Variants in KCNQ1 observed in about 807,000 individuals in gnomAD.
The protein encoded by KCNQ1 is potassium voltage-gated channel subfamily Q member 1.
Under a neutral mutation model 72.4 loss-of-function variants are expected in KCNQ1, and 49 were observed. That is an observed-to-expected ratio of 0.68 (90% CI 0.54 to 0.86). The LOEUF (loss-of-function observed/expected upper bound fraction) is 0.86. Among genes scored for constraint, KCNQ1 ranks in the 40% least tolerant of loss-of-function variants. KCNQ1 has a pLI of 0.00. For missense variants in KCNQ1, 790 were observed against 945.1 expected, an observed-to-expected ratio of 0.84 and a Z score of 2.15; for synonymous variants, 450 against 412.6, an observed-to-expected ratio of 1.09 and a Z score of -1.10.
intron 15 of KCNQ1, among the ~76,000 whole-genome samples, chr11:2,779,285 G>T (rs944055221): frequency 1.3e-5 from 2 of 152,216 alleles, no homozygotes; most frequent in Non-Finnish European, 2.9e-5. Context: ...CGGGGAACAC[G>T]GTGTTTCCCT....
At position 2,494,956 on chromosome 11, in the gene KCNQ1, A is replaced by G. The variant is rs1846886293; in HGVS notation, c.387-32972A>G. On this transcript the variant is annotated intron_variant, in intron 1 of 15. Coordinates refer to ENST00000155840, the MANE Select transcript of KCNQ1 (RefSeq NM_000218.3). The surrounding 1 kb of genome is among the most constrained non-coding windows in gnomAD (Gnocchi z 4.6). ...TGCCTCTGGTAGAATTTGGGTGTGAATCCGTCTGGTCCTGGGCTTTTTTTG... is the reference window on the plus strand; with the variant it reads ...TGCCTCTGGTAGAATTTGGGTGTGAGTCCGTCTGGTCCTGGGCTTTTTTTG... Among the ~76,000 whole-genome samples the G allele has an allele frequency of 6.6e-6, 1 of 152,118 alleles. No homozygotes were observed. Among genetic ancestry groups the G allele is most frequent in the Non-Finnish European group, 1.5e-5 (1 of 68,022 alleles).
intron 11 of KCNQ1, chr11:2,689,858 C>A: frequency 2.5e-6 from 1 of 398,840 alleles, no homozygotes; most frequent in East Asian, 3.6e-5. Flanking sequence ...CCACTTAGCA[C>A]CCACCCCTGC....
At chr11:2,844,543 G>C (rs766564062) in intron 15 of KCNQ1, among the ~76,000 whole-genome samples, 58 of 152,332 alleles carry the variant, frequency 3.8e-4, no homozygotes, top group Non-Finnish European at 7.4e-4. Context: ...CGGCCCTGTG[G>C]CTGCCTCCCG....
chr11:2,675,009 C>T lies in KCNQ1; in HGVS notation c.1514+12928C>T, dbSNP rs1021221247. The T allele has an allele frequency of 6.3e-5, 25 of 398,466 alleles. 1 individual carries two copies. Among genetic ancestry groups the T allele is most frequent in the Admixed American group, 2.6e-4 (6 of 22,708 alleles). The allele number at this position is 398,466 out of a possible 1,614,324, so 24.7% of individuals were successfully genotyped here. ...GGCGGGCACTCAGCCGGCTTCTTCC[C>T]GCCTGACTTCTCTGCCAGAGCCCAG... On this transcript the variant is annotated intron_variant, in intron 11 of 15. Coordinates refer to ENST00000155840, the MANE Select transcript of KCNQ1 (RefSeq NM_000218.3).
At position 2,603,659 on chromosome 11, in the gene KCNQ1, T is replaced by C. The variant is rs1022913898; in HGVS notation, c.1393+14805T>C. 1.8e-4 allele frequency among the ~76,000 whole-genome samples: 27 copies of C among 152,178 alleles called. No individual in the cohort carries two copies. The highest frequency in any genetic ancestry group is 5.1e-4 in the African/African-American group (21 of 41,452). On this transcript the variant is annotated intron_variant, in intron 10 of 15. Transcript: ENST00000155840. This position sits in a 1 kb window ranked among gnomAD's most constrained non-coding sequence, Gnocchi z 4.1. ...TCCTTTGTGACTGGTTACTTTCACT[T>C]AGCATCATGTTTTCAAGGTTTGTGC...
intron 8 of KCNQ1, among the ~76,000 whole-genome samples, chr11:2,585,900 G>A (rs189353843): frequency 6.6e-6 from 1 of 152,346 alleles, no homozygotes; most frequent in Non-Finnish European, 1.5e-5. Flanking sequence ...CAAGCTCTGG[G>A]ATGCTGGGCT....
Position 2,457,340 on chromosome 11 carries a change from T to C in KCNQ1, c.386+11856T>C, listed in dbSNP as rs967531382. Among the ~76,000 whole-genome samples the C allele has an allele frequency of 6.6e-6, 1 of 152,206 alleles. No homozygotes were observed. The highest frequency in any genetic ancestry group is 1.5e-5 in the Non-Finnish European group (1 of 68,042). ...AATTAGTCGTTCTACCAAAAAGACA[T>C]ATGCACCTAAACATTCATGGCAGAA... On this transcript the variant is annotated intron_variant, in intron 1 of 15. Coordinates refer to ENST00000155840, the MANE Select transcript of KCNQ1 (RefSeq NM_000218.3). The surrounding 1 kb of genome is among the most constrained non-coding windows in gnomAD (Gnocchi z 5.0).
In KCNQ1 at chr11:2,479,738, T is replaced by C. The variant is rs893436779; in HGVS notation, c.386+34254T>C. 2.0e-5 allele frequency among the ~76,000 whole-genome samples: 3 copies of C among 152,268 alleles called. No individual in the cohort carries two copies. The highest frequency in any genetic ancestry group is 7.2e-5 in the African/African-American group (3 of 41,482). On this transcript the variant is annotated intron_variant, in intron 1 of 15. Transcript: ENST00000155840. This position sits in a 1 kb window ranked among gnomAD's most constrained non-coding sequence, Gnocchi z 4.6. ...TTAACATTTGGCTTCTTGTTACTTA[T>C]GCAAATTTCTGCAGGCTGCTTGACT... is the stretch of plus-strand genomic sequence containing the variant.
rs1455897801 is a variant in KCNQ1 at position 2,651,355 on chromosome 11, A to G, written c.1394-10606A>G. The G allele has an allele frequency of 1.0e-5, 4 of 398,572 alleles. No individual in the cohort carries two copies. Among genetic ancestry groups the G allele is most frequent in the Admixed American group, 8.8e-5 (2 of 22,716 alleles). The allele number at this position is 398,572 out of a possible 1,614,324, so 24.7% of individuals were successfully genotyped here. A position where few individuals can be genotyped will look rare whatever the true frequency, so the allele number is the denominator to read the frequency against. On this transcript the variant is annotated intron_variant, in intron 10 of 15. Transcript: ENST00000155840. The surrounding 1 kb of genome is among the most constrained non-coding windows in gnomAD (Gnocchi z 6.1). ...TACAAGCGGCTGAGAGAGCTGGGGTATTTATCTTTCACTAGTGAGTGCTGC... is the reference window on the plus strand; with the variant it reads ...TACAAGCGGCTGAGAGAGCTGGGGTGTTTATCTTTCACTAGTGAGTGCTGC...
rs549977591 is a variant in KCNQ1 at position 2,592,125 on chromosome 11, C to T, written c.1393+3271C>T. On this transcript the variant is annotated intron_variant, in intron 10 of 15. Transcript: ENST00000155840. This position sits in a 1 kb window ranked among gnomAD's most constrained non-coding sequence, Gnocchi z 5.2. ...TAGGCAGAAGTCCCCTTGACCCTGC[C>T]TCAGGGCTGCTACCTGTCTGCGCCA... Among the ~76,000 whole-genome samples, 2 of 152,372 alleles carry T rather than the reference C, an allele frequency of 1.3e-5. No homozygotes were observed. Among genetic ancestry groups the T allele is most frequent in the Admixed American group, 1.3e-4 (2 of 15,310 alleles).
chr11:2,798,051 C>T (rs1322066867), intron 15 of KCNQ1, among the ~76,000 whole-genome samples: 1 of 152,188 alleles, frequency 6.6e-6, no homozygotes, highest in African/African-American at 2.4e-5. Context: ...CCACAGCGGC[C>T]TTGGGACAAT....
chr11:2,511,819 G>A (rs1257247969), intron 1 of KCNQ1, among the ~76,000 whole-genome samples: 2 of 152,186 alleles, frequency 1.3e-5, no homozygotes, highest in Admixed American at 1.3e-4. Context: ...CCCAGGGGAG[G>A]GGGTGCTTGG....
At chr11:2,574,946 G>A (rs1848399300) in intron 6 of KCNQ1, among the ~76,000 whole-genome samples, 1 of 152,168 alleles carries the variant, frequency 6.6e-6, no homozygotes, top group African/African-American at 2.4e-5. Flanking sequence ...CCTGCAGTGA[G>A]TGTGGATGGG....
intron 1 of KCNQ1, among the ~76,000 whole-genome samples, chr11:2,489,646 C>G (rs2079043): frequency 0.78 from 118,431 of 152,092 alleles, 46,082 homozygotes; most frequent in Middle Eastern, 0.79. Context: ...GGAGATGGAG[C>G]AGTAAAGAGA....
At chr11:2,545,881 A>G (rs906093000) in intron 2 of KCNQ1, among the ~76,000 whole-genome samples, 13 of 152,180 alleles carry the variant, frequency 8.5e-5, no homozygotes, top group Non-Finnish European at 1.8e-4. Flanking sequence ...CTCATTCCTG[A>G]TACTAGTAAT....
chr11:2,664,797 A>C lies in KCNQ1; in HGVS notation c.1514+2716A>C. ...GTGGGTGGGAGGCAGTTACCAAAAA[A>C]CATTTCCATTTTTCTTCAGCATTCT... On this transcript the variant is annotated intron_variant, in intron 11 of 15. Coordinates refer to ENST00000155840, the MANE Select transcript of KCNQ1 (RefSeq NM_000218.3). The surrounding 1 kb of genome is among the most constrained non-coding windows in gnomAD (Gnocchi z 5.1). 2.5e-6 allele frequency: 1 copy of C among 398,680 alleles called. No individual in the cohort carries two copies. The highest frequency in any genetic ancestry group is 4.4e-6 in the Non-Finnish European group (1 of 226,128). The allele number at this position is 398,680 out of a possible 1,614,324, so 24.7% of individuals were successfully genotyped here.
chr11:2,496,030 G>T (rs1253522087), intron 1 of KCNQ1, among the ~76,000 whole-genome samples: 1 of 152,138 alleles, frequency 6.6e-6, no homozygotes, highest in African/African-American at 2.4e-5. Flanking sequence ...CCTGTATTGG[G>T]TGCATTTATT....
rs1206605498 is a variant in KCNQ1 at position 2,703,497 on chromosome 11, GCA to G, written c.1514+41422_1514+41423del. 6.6e-6 allele frequency among the ~76,000 whole-genome samples: 1 copy of G among 152,166 alleles called. No homozygotes were observed. Among genetic ancestry groups the G allele is most frequent in the Non-Finnish European group, 1.5e-5 (1 of 68,038 alleles). Reference sequence around the variant, plus strand: ...AGCCTGTGCACCCGAGAGCACGCACGCACACACGCACTCACAGCTGAAGAGAA... The same window carrying G: ...AGCCTGTGCACCCGAGAGCACGCACGCACACGCACTCACAGCTGAAGAGAA... On this transcript the variant is annotated intron_variant, in intron 11 of 15. Transcript: ENST00000155840. The surrounding 1 kb of genome is among the most constrained non-coding windows in gnomAD (Gnocchi z 6.4).
rs1315086220 is a variant in KCNQ1 at position 2,447,503 on chromosome 11, G to C, written c.386+2019G>C. On this transcript the variant is annotated intron_variant, in intron 1 of 15. Transcript: ENST00000155840. This position sits in a 1 kb window ranked among gnomAD's most constrained non-coding sequence, Gnocchi z 7.6. ...CCTGACTGGGCAGGACATGTGGCTT[G>C]GTGGGGGCCTGGGAGATGCGCTCCC... Among the ~76,000 whole-genome samples the C allele has an allele frequency of 6.6e-6, 1 of 152,082 alleles. No homozygotes were observed. Among genetic ancestry groups the C allele is most frequent in the African/African-American group, 2.4e-5 (1 of 41,408 alleles).
Sources: allele counts gnomAD v4.1 joint callset (sites outside exome capture counted in the v4.1 genomes callset), GRCh38; gene constraint gnomAD v4.1.1; non-coding constraint Gnocchi (gnomAD v3.1); transcripts MANE v1.5; gene names NCBI Gene and HGNC (gene_info 2026-07-23, HGNC 2026-07-21).